The following SYNM variants were observed in gnomAD, a reference collection of about 807,000 sequenced individuals.
The protein encoded by SYNM is synemin.
SYNM carries 95 observed loss-of-function variants against 104.0 expected under a neutral mutation model. The ratio of observed to expected loss-of-function variants is 0.91; its 90% CI spans 0.77 to 1.08. SYNM has a LOEUF of 1.08. Ranked by LOEUF, SYNM falls within the 50% of genes least tolerant of loss-of-function variation. The pLI is 0.00. For missense variants in SYNM, 2,150 were observed against 2,052.2 expected, an observed-to-expected ratio of 1.05 and a Z score of -0.92; for synonymous variants, 918 against 869.0, an observed-to-expected ratio of 1.06 and a Z score of -0.99.
At chr15:99,113,393 TA>T (rs1413047066) in intron 1 of SYNM, among the ~76,000 whole-genome samples, 197 bp from the exon 2 acceptor site, 3 of 152,156 alleles carry the variant, frequency 2.0e-5, no homozygotes, top group South Asian at 2.1e-4. Flanking sequence ...CCACATGCAA[TA>T]AAAAACTTCC....
At chr15:99,118,096 C>T (rs934421372) in intron 2 of SYNM, among the ~76,000 whole-genome samples, 4 of 152,194 alleles carry the variant, frequency 2.6e-5, no homozygotes, top group African/African-American at 9.7e-5. Flanking sequence ...TGGGTAGGAT[C>T]GCTGCAGGCC....
rs114631265 is a variant in SYNM, at chr15:99,130,599, G to A, written c.2239G>A (p.Glu747Lys). Residue 747 changes from glutamate (E) to lysine (K), a missense_variant, in exon 4 of 4, where the codon GAG (glutamate) becomes AAG (lysine). Transcript: ENST00000336292. The part of the protein sequence containing the change: ...REGRAKVVNV[E>K]IVEEPVSYVS... ...GGGGAGAGCAAAGGTCGTCAACGTG[G>A]AGATCGTGGAGGAGCCCGTGAGTTA... is the stretch of plus-strand genomic sequence containing the variant. 3.5e-3 allele frequency: 5,587 copies of A among 1,611,576 alleles called. 162 individuals carry two copies. The African/African-American group carries it at 0.063, about 18-fold the overall frequency.
At chr15:99,135,756 G>C (rs944029114), downstream of SYNM, among the ~76,000 whole-genome samples, 4 of 152,142 alleles carry the variant, frequency 2.6e-5, no homozygotes, top group African/African-American at 7.2e-5. Flanking sequence ...CACCTGAATC[G>C]GAACTCAATA....
chr15:99,120,658 G>A (rs960922940), intron 2 of SYNM, among the ~76,000 whole-genome samples: 4 of 152,220 alleles, frequency 2.6e-5, no homozygotes, highest in Admixed American at 1.3e-4. Context: ...GAGGCAGCAT[G>A]GATCTGGGGA....
At chr15:99,137,306 C>T, downstream of SYNM, 1 of 152,376 alleles carries the variant, frequency 6.6e-6, no homozygotes, top group East Asian at 1.9e-4. Flanking sequence ...GTTTGTCCTG[C>T]CTGCAGTGGA....
At chr15:99,138,046 C>A (rs2067731556), downstream of SYNM, 1 of 1,614,104 alleles carries the variant, frequency 6.2e-7, no homozygotes, top group East Asian at 2.2e-5. Flanking sequence ...CCTTCCCCAG[C>A]AGGGTGTCCT....
chr15:99,127,443 C>A (rs2067457870), intron 3 of SYNM, among the ~76,000 whole-genome samples: 1 of 152,134 alleles, frequency 6.6e-6, no homozygotes, highest in Admixed American at 6.5e-5. Flanking sequence ...CCTTTTAAAG[C>A]CCTATAGAAT....
At position 99,122,817 on chromosome 15, in the gene SYNM, C is replaced by T. The variant is rs949880845; in HGVS notation, c.936-3905C>T. ...TGGCACCACTGCACTCCAGCCTGGGCGACAGAGCAAGATCCTGTCTCTACA... is the reference window on the plus strand; with the variant it reads ...TGGCACCACTGCACTCCAGCCTGGGTGACAGAGCAAGATCCTGTCTCTACA... On this transcript the variant is annotated intron_variant, in intron 2 of 3. Transcript: ENST00000336292. Among the ~76,000 whole-genome samples the T allele has an allele frequency of 4.6e-5, 7 of 152,052 alleles. No homozygotes were observed. The South Asian group carries it at 6.2e-4, about 14-fold the overall frequency.
At position 99,105,659 on chromosome 15, in the gene SYNM, G is replaced by C. The variant is rs1260638166; in HGVS notation, c.460G>C (p.Glu154Gln). The change falls in exon 1 of 4, where the codon GAG becomes CAG. Residue 154 changes from glutamate to glutamine, a missense_variant. Physicochemically the swap from Glu to Gln is conservative, Grantham distance 29. Transcript: ENST00000336292. ...CGCGGCCCACGAACGCGACGTGAGG[G>C]AGCTGCGCGCGCGCGCCGCCAGCCT... ...LDAAHERDVR[E>Q]LRARAASLTM... 4 of 1,398,890 alleles carry C rather than the reference G, an allele frequency of 2.9e-6. No individual in the cohort carries two copies. In the African/African-American group the frequency reaches 6.1e-5, roughly 21 times the overall value. 86.7% of individuals were successfully genotyped at this position (1,398,890 alleles called of 1,614,324 possible).
At chr15:99,106,679 T>G (rs532155129) in intron 1 of SYNM, among the ~76,000 whole-genome samples, 15 of 152,346 alleles carry the variant, frequency 9.8e-5, no homozygotes, top group African/African-American at 2.9e-4. Flanking sequence ...CAGGATGTTA[T>G]TACAAGTGCA....
At chr15:99,107,927 G>GT (rs36146650) in intron 1 of SYNM, among the ~76,000 whole-genome samples, 55,716 of 145,120 alleles carry the variant, frequency 0.38, 10,943 homozygotes, top group African/African-American at 0.51. Flanking sequence ...TAAGGACCTG[G>GT]TTTTTTTTTT....
At position 99,135,443 on chromosome 15, in the gene SYNM, T is replaced by G. The variant is rs897347218; in HGVS notation, c.*2385T>G. On this transcript the variant is annotated 3_prime_UTR_variant, in exon 4 of 4. Coordinates refer to ENST00000336292, the MANE Select transcript of SYNM (RefSeq NM_145728.3). ...CAAAACAGTACTCACTGAGTGTTTT[T>G]CAGTTTCCTACTGGTGGTTTTGATA... The G allele has an allele frequency of 6.6e-6, 1 of 152,664 alleles. No homozygotes were observed. The allele number at this position is 152,664 out of a possible 1,614,324, so 9.5% of individuals were successfully genotyped here. A position where few individuals can be genotyped will look rare whatever the true frequency, so the allele number is the denominator to read the frequency against.
rs1555485987 is a variant in SYNM, at chr15:99,131,854, C to A, written c.3494C>A (p.Thr1165Asn). The change falls in exon 4 of 4, where the codon ACC (threonine) becomes AAC (asparagine). Residue 1165 changes from threonine (T) to asparagine (N), a missense_variant. Physicochemically the swap from Thr to Asn is moderately conservative, Grantham distance 65 (BLOSUM62 0). Transcript: ENST00000336292. The surrounding 1 kb of genome is among the most constrained non-coding windows in gnomAD (Gnocchi z 4.3). Reference sequence around the variant, plus strand: ...GACCTAAGTCAGGCAGCGAGCCCGACCGGAGCCAGCCGGTCTGTGAGGCAT... The same window carrying A: ...GACCTAAGTCAGGCAGCGAGCCCGAACGGAGCCAGCCGGTCTGTGAGGCAT... ...GGDLSQAASP[T>N]GASRSVRHVT... 6.2e-7 allele frequency: 1 copy of A among 1,613,812 alleles called. No individual in the cohort carries two copies.
chr15:99,119,786 A>G (rs1034824316), intron 2 of SYNM, among the ~76,000 whole-genome samples: 3 of 152,254 alleles, frequency 2.0e-5, no homozygotes, highest in Non-Finnish European at 4.4e-5. Context: ...AGTTTTCCCA[A>G]CATTTTGTTA....
At position 99,130,131 on chromosome 15, in the gene SYNM, G is replaced by A. The variant is rs782056497; in HGVS notation, c.1771G>A (p.Val591Met). Residue 591 changes from valine (V) to methionine (M), a missense_variant, in exon 4 of 4, where the codon GTG becomes ATG. By Grantham distance (21) the Val-to-Met change is conservative (BLOSUM62 1). Coordinates refer to ENST00000336292, the MANE Select transcript of SYNM (RefSeq NM_145728.3). ...LEVSQDRRAE[V>M]SPKGLQTPVK... is the part of the protein sequence containing the mutation. ...AGTATCCCAGGACAGAAGAGCAGAG[G>A]TGTCCCCGAAAGGTTTGCAGACGCC... 2.7e-5 allele frequency: 43 copies of A among 1,613,936 alleles called. No homozygotes were observed. Among genetic ancestry groups the A allele is most frequent in the Non-Finnish European group, 3.5e-5 (41 of 1,179,902 alleles).
downstream of SYNM, chr15:99,139,491 C>A (rs781951484): frequency 6.3e-7 from 1 of 1,577,308 alleles, no homozygotes. Flanking sequence ...AAGATGACCT[C>A]ATTCTTAGGC....
chr15:99,106,085 G>T, intron 1 of SYNM, 76 bp downstream of exon 1: 2 of 1,330,570 alleles, frequency 1.5e-6, no homozygotes, highest in Non-Finnish European at 9.6e-7. Context: ...ACGGCGTGGG[G>T]CAGCGGCCCC....
At position 99,105,446 on chromosome 15, in the gene SYNM, G is replaced by A. The variant is rs1276281085; in HGVS notation, c.247G>A (p.Gly83Ser). The stretch of plus-strand genomic sequence containing the variant: ...GAGCTGGGCCACTGCGCTGGCGGAG[G>A]GCGAGCGGGACGCTCTGCGGCGCGA... ...ELSWATALAE[G>S]ERDALRRELR... Residue 83 changes from glycine (G) to serine (S), a missense_variant, in exon 1 of 4, where the codon GGC becomes AGC. By Grantham distance (56) the Gly-to-Ser change is moderately conservative (BLOSUM62 0). Transcript: ENST00000336292. The A allele has an allele frequency of 7.0e-6, 10 of 1,433,338 alleles. No individual in the cohort carries two copies. The highest frequency in any genetic ancestry group is 5.5e-5 in the Admixed American group (2 of 36,586). 88.8% of individuals were successfully genotyped at this position (1,433,338 alleles called of 1,614,324 possible). A position where few individuals can be genotyped will look rare whatever the true frequency, so the allele number is the denominator to read the frequency against.
At position 99,105,988 on chromosome 15, in the gene SYNM, G is replaced by T; in HGVS notation, c.789G>T (p.Gly263=). ...DALLRMREEY[G]IQAEERQRVI... is the part of the protein sequence containing the mutation. Reference sequence around the variant, plus strand: ...TGCTGCGGATGCGCGAGGAGTACGGGATACAGGCCGAGGAGCGGCAGGTCC... The same window carrying T: ...TGCTGCGGATGCGCGAGGAGTACGGTATACAGGCCGAGGAGCGGCAGGTCC... The change falls in exon 1 of 4, where the codon GGG becomes GGT. Residue 263 remains glycine, a synonymous_variant. Transcript: ENST00000336292. 6.7e-7 allele frequency: 1 copy of T among 1,488,706 alleles called. No individual in the cohort carries two copies. The highest frequency in any genetic ancestry group is 8.9e-7 in the Non-Finnish European group (1 of 1,125,246). The allele number at this position is 1,488,706 out of a possible 1,614,324, so 92.2% of individuals were successfully genotyped here. A position where few individuals can be genotyped will look rare whatever the true frequency, so the allele number is the denominator to read the frequency against.
Sources: allele counts gnomAD v4.1 joint callset (sites outside exome capture counted in the v4.1 genomes callset), GRCh38; gene constraint gnomAD v4.1.1; non-coding constraint Gnocchi (gnomAD v3.1); transcripts MANE v1.5; gene names NCBI Gene and HGNC (gene_info 2026-07-23, HGNC 2026-07-21).